DCLK1: variants seen among roughly 807,000 people sequenced by gnomAD.
The protein encoded by DCLK1 is doublecortin like kinase 1.
A neutral mutation model predicts 86.2 loss-of-function variants in DCLK1; 16 were observed. The ratio of observed to expected loss-of-function variants is 0.19; its 90% CI spans 0.13 to 0.28. DCLK1 has a LOEUF of 0.28. DCLK1 is among the 10% of genes least tolerant of loss of function. DCLK1 has a pLI of 1.00. For missense variants in DCLK1, 590 were observed against 940.2 expected (o/e 0.63, Z 4.87); for synonymous variants, 369 against 370.5 (o/e 1.00, Z 0.05).
chr13:35,827,614 CT>C lies in DCLK1; in HGVS notation c.1407+20del, dbSNP rs780083493. On this transcript the variant is annotated intron_variant, in intron 10 of 16. Transcript: ENST00000360631. ...GTGCGGTGCCATCAATAAAGACTTACTTTCTTTCCAAAATACACACCTTTAC... is the reference window on the plus strand; with the variant it reads ...GTGCGGTGCCATCAATAAAGACTTACTTCTTTCCAAAATACACACCTTTAC... The C allele has an allele frequency of 9.3e-6, 15 of 1,613,318 alleles. No individual in the cohort carries two copies. The highest frequency in any genetic ancestry group is 1.3e-5 in the Non-Finnish European group (15 of 1,179,756).
intron 3 of DCLK1, among the ~76,000 whole-genome samples, chr13:36,091,706 C>T (rs1022134654): frequency 6.6e-6 from 1 of 152,158 alleles, no homozygotes; most frequent in South Asian, 2.1e-4. Flanking sequence ...CCATTCCTAG[C>T]GTGATATGTG....
intron 12 of DCLK1, among the ~76,000 whole-genome samples, chr13:35,810,095 C>T (rs931655235): frequency 3.0e-4 from 45 of 152,236 alleles, no homozygotes; most frequent in African/African-American, 1.0e-3. Flanking sequence ...GGGCTTCTTA[C>T]CAAAGGAGTC....
At chr13:36,053,436 A>G (rs1883193789) in intron 3 of DCLK1, among the ~76,000 whole-genome samples, 1 of 152,154 alleles carries the variant, frequency 6.6e-6, no homozygotes, top group African/African-American at 2.4e-5. Flanking sequence ...AGAAAGGAAA[A>G]TGCAAAATTA....
intron 5 of DCLK1, among the ~76,000 whole-genome samples, chr13:35,866,125 T>C (rs955794033): frequency 6.6e-6 from 1 of 152,142 alleles, no homozygotes; most frequent in Non-Finnish European, 1.5e-5. Context: ...AGCAAAGCAG[T>C]TATCCCAGCC....
intron 2 of DCLK1, among the ~76,000 whole-genome samples, chr13:36,125,062 C>T (rs1364413057): frequency 1.3e-5 from 2 of 152,134 alleles, no homozygotes; most frequent in Non-Finnish European, 2.9e-5. Flanking sequence ...TGGACGCAAA[C>T]AGTCCTATTT....
At chr13:35,921,842 G>A (rs1475493737) in intron 4 of DCLK1, among the ~76,000 whole-genome samples, 4 of 152,178 alleles carry the variant, frequency 2.6e-5, no homozygotes, top group African/African-American at 7.2e-5. Flanking sequence ...AAAAGACCAG[G>A]TGACAGGGCA....
intron 2 of DCLK1, among the ~76,000 whole-genome samples, chr13:36,122,106 G>A (rs551664264): frequency 6.6e-6 from 1 of 152,252 alleles, no homozygotes; most frequent in Non-Finnish European, 1.5e-5. Flanking sequence ...CAGTGAAATA[G>A]GGAAATAAAG....
At chr13:35,855,735 A>G (rs1289951142) in intron 5 of DCLK1, 4 of 1,369,952 alleles carry the variant, frequency 2.9e-6, no homozygotes, top group Non-Finnish European at 3.8e-6. Flanking sequence ...TGGGAGGTGC[A>G]GGTTCTGTCT....
At chr13:35,886,366 C>A (rs1370531021) in intron 4 of DCLK1, among the ~76,000 whole-genome samples, 1 of 152,130 alleles carries the variant, frequency 6.6e-6, no homozygotes, top group African/African-American at 2.4e-5. Flanking sequence ...AAAAATACGG[C>A]AGCCAATCGT....
At chr13:35,983,821 G>A (rs141042568) in intron 3 of DCLK1, among the ~76,000 whole-genome samples, 16 of 152,246 alleles carry the variant, frequency 1.1e-4, no homozygotes, top group African/African-American at 3.9e-4. Context: ...GCAACGAACT[G>A]CAATCTGGAA....
At chr13:36,003,410 T>C (rs901882147) in intron 3 of DCLK1, among the ~76,000 whole-genome samples, 9 of 152,214 alleles carry the variant, frequency 5.9e-5, no homozygotes, top group African/African-American at 2.2e-4. Flanking sequence ...AAATATAAAC[T>C]TTAGAAATCT....
intron 6 of DCLK1, among the ~76,000 whole-genome samples, chr13:35,842,708 T>C (rs1282518991): frequency 6.6e-6 from 1 of 152,220 alleles, no homozygotes; most frequent in Non-Finnish European, 1.5e-5. Flanking sequence ...GTCTCCCTGG[T>C]GTGTGTTTGA....
chr13:35,861,090 T>C lies in DCLK1; in HGVS notation c.941-6497A>G, dbSNP rs1171012607. 9.2e-5 allele frequency among the ~76,000 whole-genome samples: 14 copies of C among 152,278 alleles called. No homozygotes were observed. The East Asian group carries it at 2.3e-3, about 25-fold the overall frequency. ...ACTTTATTTGGCACACAACAGGTGA[T>C]GGCAGCAGGTTGGACATTGGTGCCC... On this transcript the variant is annotated intron_variant, in intron 5 of 16. Coordinates refer to ENST00000360631, the MANE Select transcript of DCLK1 (RefSeq NM_001330071.2).
At chr13:35,784,992 C>T (rs539309303) in intron 16 of DCLK1, among the ~76,000 whole-genome samples, 1 of 152,288 alleles carries the variant, frequency 6.6e-6, no homozygotes, top group Non-Finnish European at 1.5e-5. Flanking sequence ...GCGGCCATCA[C>T]CGCTCTGCCT....
At position 36,009,754 on chromosome 13, in the gene DCLK1, C is replaced by G. The variant is rs950152343; in HGVS notation, c.724-62297G>C. Among the ~76,000 whole-genome samples, 7 of 120,880 alleles carry G rather than the reference C, an allele frequency of 5.8e-5. 2 individuals are homozygous for G. Among genetic ancestry groups the G allele is most frequent in the Admixed American group, 2.7e-4 (3 of 11,284 alleles). The allele number at this position is 120,880 out of a possible 152,430, so 79.3% of individuals were successfully genotyped here. On this transcript the variant is annotated intron_variant, in intron 3 of 16. Transcript: ENST00000360631. ...AACTTTAAAGTAGTTTTTTCCAATT[C>G]TGTGAGGAAAGTCATTGGTAGCTTG...
At chr13:35,906,714 G>A (rs2153123631) in intron 4 of DCLK1, among the ~76,000 whole-genome samples, 1 of 152,288 alleles carries the variant, frequency 6.6e-6, no homozygotes, top group South Asian at 2.1e-4. Context: ...CTGGCTCAGG[G>A]GAAATCACTG....
At chr13:35,869,559 A>G (rs1872120131) in intron 5 of DCLK1, among the ~76,000 whole-genome samples, 1 of 152,242 alleles carries the variant, frequency 6.6e-6, no homozygotes, top group South Asian at 2.1e-4. Flanking sequence ...ATGCCAGTAA[A>G]TGAAGATGAA....
intron 4 of DCLK1, among the ~76,000 whole-genome samples, chr13:35,912,693 T>C (rs1190722212): frequency 6.6e-6 from 1 of 152,160 alleles, no homozygotes; most frequent in Non-Finnish European, 1.5e-5. Context: ...CTAATTCTTC[T>C]TGGACACCAG....
At chr13:36,005,984 G>A (rs1462280412) in intron 3 of DCLK1, among the ~76,000 whole-genome samples, 1 of 152,120 alleles carries the variant, frequency 6.6e-6, no homozygotes, top group Non-Finnish European at 1.5e-5. Context: ...ATGGACACAG[G>A]GAGGGGAACA....
Sources: allele counts gnomAD v4.1 joint callset (sites outside exome capture counted in the v4.1 genomes callset), GRCh38; gene constraint gnomAD v4.1.1; transcripts MANE v1.5; gene names NCBI Gene and HGNC (gene_info 2026-07-23, HGNC 2026-07-21).